Variants in G2E3 observed in about 807,000 individuals in gnomAD.
G2E3 encodes G2/M-phase specific E3 ubiquitin protein ligase, also known as G2/M phase-specific E3 ubiquitin-protein ligase.
G2E3 carries 35 observed loss-of-function variants against 92.8 expected under a neutral mutation model. The observed-to-expected ratio is 0.38, with a 90% CI of 0.29 to 0.50. The LOEUF is 0.50. G2E3 is among the 20% of genes least tolerant of loss of function. The pLI, the probability that G2E3 is intolerant of heterozygous loss-of-function variation, is 0.94. For synonymous variants in G2E3, 242 were observed against 272.4 expected (o/e 0.89, Z 1.10); for missense variants, 554 against 823.8 (o/e 0.67, Z 4.01).
At chr14:30,578,890 T>C (rs1377493763) in intron 1 of G2E3, among the ~76,000 whole-genome samples, 1 of 152,230 alleles carries the variant, frequency 6.6e-6, no homozygotes, top group Non-Finnish European at 1.5e-5. Flanking sequence ...CAGTTTTTCT[T>C]GTACCATTTG....
chr14:30,573,057 T>C (rs1230008201), intron 1 of G2E3, among the ~76,000 whole-genome samples: 1 of 152,124 alleles, frequency 6.6e-6, no homozygotes, highest in Non-Finnish European at 1.5e-5. Context: ...GGACTCAAAT[T>C]CCTGGGCTCA....
chr14:30,614,241 C>A (rs1163263121), intron 13 of G2E3, among the ~76,000 whole-genome samples: 1 of 148,638 alleles, frequency 6.7e-6, no homozygotes, highest in African/African-American at 2.6e-5. Context: ...AACAGATAAA[C>A]ATGTGTGTTC....
intron 1 of G2E3, among the ~76,000 whole-genome samples, chr14:30,571,833 G>A (rs973187081): frequency 6.6e-6 from 1 of 151,724 alleles, no homozygotes; most frequent in Admixed American, 6.6e-5. Context: ...AGCTCTATAA[G>A]AAGTCATGAA....
rs184590761 is a variant in G2E3, at chr14:30,619,340, G to A, written c.*2806G>A. 47 of 152,108 alleles carry A rather than the reference G, an allele frequency of 3.1e-4. No homozygotes were observed. The East Asian group carries it at 6.0e-3, about 19-fold the overall frequency. 9.4% of individuals were successfully genotyped at this position (152,108 alleles called of 1,614,324 possible). A position where few individuals can be genotyped will look rare whatever the true frequency, so the allele number is the denominator to read the frequency against. On this transcript the variant is annotated 3_prime_UTR_variant, in exon 15 of 15. Transcript: ENST00000206595. ...TTCAGTGCTAAATACTAAGTCAAGG[G>A]GAGTATATTAGGTAAGTTTTTTCAG...
chr14:30,586,650 C>T, intron 2 of G2E3, 68 bp from the exon 3 acceptor site: 2 of 542,798 alleles, frequency 3.7e-6, no homozygotes, highest in South Asian at 3.1e-5. Flanking sequence ...TAGAGAAGCA[C>T]CAATTCCATA....
chr14:30,607,201 G>C (rs1450414899), intron 11 of G2E3, among the ~76,000 whole-genome samples: 5 of 151,942 alleles, frequency 3.3e-5, no homozygotes, highest in Admixed American at 3.3e-4. Flanking sequence ...ATAATAAGTG[G>C]ATAAAGCATA....
intron 4 of G2E3, among the ~76,000 whole-genome samples, chr14:30,590,094 A>G (rs1880920404): frequency 6.6e-6 from 1 of 152,144 alleles, no homozygotes; most frequent in South Asian, 2.1e-4. Flanking sequence ...GTATGCAGGG[A>G]AACGTCTCCA....
chr14:30,576,794 C>T (rs954564614), intron 1 of G2E3, among the ~76,000 whole-genome samples: 1 of 152,070 alleles, frequency 6.6e-6, no homozygotes, highest in African/African-American at 2.4e-5. Flanking sequence ...TAAATCAAGT[C>T]ATTTCTATAG....
intron 8 of G2E3, among the ~76,000 whole-genome samples, chr14:30,599,893 C>G (rs1327996571): frequency 6.6e-6 from 1 of 152,028 alleles, no homozygotes; most frequent in African/African-American, 2.4e-5. Flanking sequence ...AGCACTGTTC[C>G]TTTTGGACCA....
At position 30,616,703 on chromosome 14, in the gene G2E3, G is replaced by C. The variant is rs1882331163; in HGVS notation, c.*169G>C. 3.9e-6 allele frequency: 2 copies of C among 510,142 alleles called. No homozygotes were observed. The highest frequency in any genetic ancestry group is 3.2e-5 in the South Asian group (1 of 31,544). 31.6% of individuals were successfully genotyped at this position (510,142 alleles called of 1,614,324 possible). A position where few individuals can be genotyped will look rare whatever the true frequency, so the allele number is the denominator to read the frequency against. On this transcript the variant is annotated 3_prime_UTR_variant, in exon 15 of 15. Transcript: ENST00000206595. ...ATTATAGCCACTTAGGCTAAAAAAA[G>C]GTTTTTTTTGTTAAAGCATACTAGT...
At chr14:30,585,933 T>C (rs756337505) in intron 2 of G2E3, among the ~76,000 whole-genome samples, 3 of 152,204 alleles carry the variant, frequency 2.0e-5, no homozygotes, top group Non-Finnish European at 2.9e-5. Flanking sequence ...TCTCCAGTTA[T>C]TATGCAGAAG....
intron 1 of G2E3, among the ~76,000 whole-genome samples, chr14:30,577,565 C>CA (rs1282505027): frequency 6.6e-6 from 1 of 152,142 alleles, no homozygotes; most frequent in Non-Finnish European, 1.5e-5. Context: ...GGCTTATTCA[C>CA]ATAACAGAAG....
At chr14:30,587,694 C>T (rs1880787334) in intron 3 of G2E3, among the ~76,000 whole-genome samples, 1 of 152,104 alleles carries the variant, frequency 6.6e-6, no homozygotes, top group South Asian at 2.1e-4. Context: ...TAGCTAGCGT[C>T]AGGAAACCTC....
intron 1 of G2E3, among the ~76,000 whole-genome samples, chr14:30,579,015 C>T (rs1880278739): frequency 6.6e-6 from 1 of 152,142 alleles, no homozygotes. Flanking sequence ...GATGTATCAG[C>T]ATGTTTAAAA....
intron 1 of G2E3, among the ~76,000 whole-genome samples, chr14:30,575,601 T>A (rs1415333691): frequency 6.6e-6 from 1 of 152,180 alleles, no homozygotes; most frequent in Non-Finnish European, 1.5e-5. Flanking sequence ...GATTACATGA[T>A]TCTGTATCTA....
chr14:30,612,509 T>A (rs183139663), intron 13 of G2E3, 130 bp downstream of exon 13: 6,323 of 613,412 alleles, frequency 0.01, 42 homozygotes, highest in Non-Finnish European at 0.012. Context: ...ATGCTATTTT[T>A]AAATAATAAC....
intron 7 of G2E3, 50 bp downstream of exon 7, chr14:30,597,576 A>T: frequency 1.1e-6 from 1 of 944,884 alleles, no homozygotes; most frequent in Non-Finnish European, 1.7e-6. Flanking sequence ...TAAATGTAGG[A>T]TTTAATAGCA....
chr14:30,601,584 TAA>T (rs1881568937), intron 8 of G2E3, among the ~76,000 whole-genome samples, 184 bp from the exon 9 acceptor site: 1 of 152,226 alleles, frequency 6.6e-6, no homozygotes, highest in Non-Finnish European at 1.5e-5. Context: ...ATGAGTGTGA[TAA>T]GTTAGTTTTG....
At chr14:30,610,428 ACATGGTGAAACCC>A (rs1882034138) in intron 12 of G2E3, among the ~76,000 whole-genome samples, 1 of 152,146 alleles carries the variant, frequency 6.6e-6, no homozygotes, top group Non-Finnish European at 1.5e-5. Flanking sequence ...AGCCTGGCCA[ACATGGTGAAACCC>A]CATCTTTACT....
Sources: gnomAD v4.1 joint callset for allele counts (sites outside exome capture counted in the v4.1 genomes callset) on GRCh38, gnomAD v4.1.1 for gene constraint, MANE v1.5 for transcripts, NCBI Gene and HGNC (gene_info 2026-07-23, HGNC 2026-07-21) for gene names.